The following PCDHA5 variants were observed in gnomAD, a reference collection of about 807,000 sequenced individuals.
PCDHA5 encodes the protein protocadherin alpha 5, also known as protocadherin alpha-5.
PCDHA5 carries 43 observed loss-of-function variants against 61.6 expected under a neutral mutation model. That is an observed-to-expected ratio of 0.70 (90% CI 0.55 to 0.90). The LOEUF is 0.90. Ranked by LOEUF, PCDHA5 falls within the 40% of genes least tolerant of loss-of-function variation. The pLI, the probability that PCDHA5 is intolerant of heterozygous loss-of-function variation, is 0.00. For missense variants in PCDHA5, 1,298 were observed against 1,222.7 expected (o/e 1.06, Z -0.92); for synonymous variants, 627 against 543.9 (o/e 1.15, Z -2.13).
rs376556447 is a variant in PCDHA5 at position 140,885,103 on chromosome 5, CT to C, written c.2352+60983del. On this transcript the variant is annotated intron_variant, in intron 1 of 3. Transcript: ENST00000529859. The stretch of plus-strand genomic sequence containing the variant: ...AGCCCCATAACTTTTCACATAAATG[CT>C]TTTTTTAAGTGCACTTTTCTTTCTT... Among the ~76,000 whole-genome samples the C allele has an allele frequency of 4.5e-3, 686 of 152,136 alleles. 2 individuals are homozygous for C. Among genetic ancestry groups the C allele is most frequent in the African/African-American group, 0.016 (664 of 41,518 alleles).
At chr5:140,976,578 A>C (rs997881753) in intron 1 of PCDHA5, among the ~76,000 whole-genome samples, 1 of 152,204 alleles carries the variant, frequency 6.6e-6, no homozygotes, top group Admixed American at 6.5e-5. Context: ...TATAAATAAA[A>C]CACAGACTTT....
At chr5:140,887,396 C>T (rs2153420229) in intron 1 of PCDHA5, among the ~76,000 whole-genome samples, 1 of 152,174 alleles carries the variant, frequency 6.6e-6, no homozygotes, top group Non-Finnish European at 1.5e-5. Flanking sequence ...GCGCCCGGCT[C>T]TTTATCTCAT....
intron 1 of PCDHA5, among the ~76,000 whole-genome samples, chr5:140,874,668 A>G (rs1424174427): frequency 6.6e-6 from 1 of 152,238 alleles, no homozygotes; most frequent in African/African-American, 2.4e-5. Context: ...TCCAGAATCT[A>G]TTCCTGAGAT....
intron 1 of PCDHA5, among the ~76,000 whole-genome samples, chr5:140,846,468 G>A (rs1461783374): frequency 7.0e-6 from 1 of 142,284 alleles, no homozygotes; most frequent in East Asian, 2.1e-4. Flanking sequence ...TCTGCCTCCC[G>A]GGTTCAAATG....
intron 1 of PCDHA5, among the ~76,000 whole-genome samples, chr5:140,941,034 G>A (rs1384147296): frequency 6.6e-6 from 1 of 151,968 alleles, no homozygotes; most frequent in Non-Finnish European, 1.5e-5. Context: ...GGCCTTTTTG[G>A]TGCCAAGTCA....
chr5:140,835,421 T>C (rs2150235406), intron 1 of PCDHA5: 2 of 1,613,844 alleles, frequency 1.2e-6, no homozygotes, highest in African/African-American at 1.3e-5. Context: ...TAAATGACAA[T>C]GCTCCACAGT....
chr5:140,948,142 T>G (rs1194720907), intron 1 of PCDHA5, among the ~76,000 whole-genome samples: 1 of 151,674 alleles, frequency 6.6e-6, no homozygotes, highest in Admixed American at 6.6e-5. Flanking sequence ...CTAATTGATT[T>G]TTGAATGTTG....
intron 1 of PCDHA5, chr5:140,828,380 G>T (rs150162226): frequency 6.2e-6 from 10 of 1,603,536 alleles, no homozygotes; most frequent in African/African-American, 1.3e-5. Flanking sequence ...GGAGCTGTGC[G>T]GGCGGAGCGC....
chr5:140,870,892 G>T, intron 1 of PCDHA5: 4 of 1,613,960 alleles, frequency 2.5e-6, no homozygotes, highest in Non-Finnish European at 3.4e-6. Flanking sequence ...GCGCGCAGTG[G>T]ATGCGGACTC....
At position 140,864,130 on chromosome 5, in the gene PCDHA5, G is replaced by A. The variant is rs1269875416; in HGVS notation, c.2352+40003G>A. ...TAGTAATAATGAATTAGACTGAGTG[G>A]CTGTTTCCTGTAAATGAGAAAGTTA... On this transcript the variant is annotated intron_variant, in intron 1 of 3. Coordinates refer to ENST00000529859, the MANE Select transcript of PCDHA5 (RefSeq NM_018908.3). 3 of 152,238 alleles carry A rather than the reference G, an allele frequency of 2.0e-5. No individual in the cohort carries two copies. The East Asian group carries it at 5.8e-4, about 29-fold the overall frequency. 9.4% of individuals were successfully genotyped at this position (152,238 alleles called of 1,614,324 possible).
intron 1 of PCDHA5, chr5:140,850,087 T>A (rs2150466351): frequency 6.3e-7 from 1 of 1,596,398 alleles, no homozygotes; most frequent in East Asian, 2.2e-5. Context: ...CTGGAGCTGC[T>A]ACAGTTCCAG....
intron 1 of PCDHA5, chr5:140,882,727 A>G (rs1554175345): frequency 6.2e-7 from 1 of 1,614,250 alleles, no homozygotes. Context: ...CTCGATTTCC[A>G]CTAGATGGCG....
At chr5:140,999,592 C>T (rs1443096475) in intron 3 of PCDHA5, among the ~76,000 whole-genome samples, 2 of 152,114 alleles carry the variant, frequency 1.3e-5, no homozygotes, top group Non-Finnish European at 2.9e-5. Flanking sequence ...ATTGCCTTCC[C>T]TACATCCTGG....
chr5:140,975,126 A>G (rs1334807357), intron 1 of PCDHA5, among the ~76,000 whole-genome samples: 6 of 152,074 alleles, frequency 3.9e-5, no homozygotes, highest in Admixed American at 2.6e-4. Flanking sequence ...CCTACTTACT[A>G]TTGGCCTGGG....
intron 1 of PCDHA5, chr5:140,967,767 A>G (rs782195052): frequency 1.2e-6 from 2 of 1,614,216 alleles, no homozygotes; most frequent in East Asian, 2.2e-5. Context: ...TACCAGATCT[A>G]TGTGCAGGCG....
At chr5:140,968,639 G>T (rs1278507600) in intron 1 of PCDHA5, 1 of 1,614,150 alleles carries the variant, frequency 6.2e-7, no homozygotes, top group Non-Finnish European at 8.5e-7. Context: ...TTACCATCTA[G>T]CCCAGACTTC....
Position 140,870,644 on chromosome 5 carries a change from G to A in PCDHA5, c.2352+46517G>A, listed in dbSNP as rs782672271. ...TACGTGTCGGTGCACGCGGAGAGCG[G>A]CAAGGTGTACGCGCTGCAGCCGTTG... is the stretch of plus-strand genomic sequence containing the variant. On this transcript the variant is annotated intron_variant, in intron 1 of 3. Transcript: ENST00000529859. 8.7e-6 allele frequency: 14 copies of A among 1,612,768 alleles called. No homozygotes were observed. In the South Asian group the frequency reaches 1.4e-4, roughly 16 times the overall value.
At chr5:140,829,902 A>T (rs2150177390) in intron 1 of PCDHA5, 1 of 1,613,948 alleles carries the variant, frequency 6.2e-7, no homozygotes, top group Non-Finnish European at 8.5e-7. Flanking sequence ...TCAGGCTACA[A>T]CGCGTGGCTT....
At chr5:140,848,956 T>C in intron 1 of PCDHA5, 2 of 1,606,732 alleles carry the variant, frequency 1.2e-6, no homozygotes, top group Non-Finnish European at 1.7e-6. Flanking sequence ...CGGTTTCCAC[T>C]AGAGGGCGCG....
Sources: gnomAD v4.1 joint callset for allele counts (sites outside exome capture counted in the v4.1 genomes callset) on GRCh38, gnomAD v4.1.1 for gene constraint, MANE v1.5 for transcripts, NCBI Gene and HGNC (gene_info 2026-07-23, HGNC 2026-07-21) for gene names.